Variants in SNAP23 observed in about 807,000 individuals in gnomAD.
SNAP23 encodes the protein synaptosome associated protein 23.
In SNAP23, 11 loss-of-function variants were observed where a neutral mutation model predicts 29.0. That is an observed-to-expected ratio of 0.38 (90% CI 0.24 to 0.63). The LOEUF (loss-of-function observed/expected upper bound fraction) is 0.63. Among genes scored for constraint, SNAP23 ranks in the 20% least tolerant of loss-of-function variants. The pLI is 0.58. For missense variants in SNAP23, 220 were observed against 253.9 expected (o/e 0.87, Z 0.91); for synonymous variants, 60 against 82.9 (o/e 0.72, Z 1.50).
intron 1 of SNAP23, among the ~76,000 whole-genome samples, chr15:42,502,399 A>G (rs547966556): frequency 6.6e-6 from 1 of 152,276 alleles, no homozygotes; most frequent in East Asian, 1.9e-4. Flanking sequence ...GAAAGCATCA[A>G]AGTGGCTGGG....
intron 4 of SNAP23, among the ~76,000 whole-genome samples, chr15:42,515,017 G>A (rs937386055): frequency 1.2e-4 from 19 of 152,242 alleles, no homozygotes; most frequent in Admixed American, 1.2e-3. Flanking sequence ...AAGCTTTTTA[G>A]AACAAATTTT....
intron 7 of SNAP23, 35 bp from the exon 8 acceptor site, chr15:42,531,378 T>C: frequency 7.0e-7 from 1 of 1,426,244 alleles, no homozygotes; most frequent in Non-Finnish European, 9.3e-7. Flanking sequence ...TAGAGTTACT[T>C]ACCTTGTAAA....
chr15:42,515,574 C>G (rs1053193419), intron 5 of SNAP23, among the ~76,000 whole-genome samples: 1 of 152,136 alleles, frequency 6.6e-6, no homozygotes, highest in African/African-American at 2.4e-5. Context: ...AGTCCAATTT[C>G]AATTTGTAGT....
Position 42,531,641 on chromosome 15 carries a change from G to C in SNAP23, c.*163G>C. 1 of 488,004 alleles carries C rather than the reference G, an allele frequency of 2.0e-6. No homozygotes were observed. 30.2% of individuals were successfully genotyped at this position (488,004 alleles called of 1,614,324 possible). The stretch of plus-strand genomic sequence containing the variant: ...CAGCCCTCCTTCTTTTTTGTTTTCT[G>C]TTGAGGGCCGACTGCTGCTCTGCCT... On this transcript the variant is annotated 3_prime_UTR_variant, in exon 8 of 8. Transcript: ENST00000249647.
In SNAP23 at chr15:42,528,255, T is replaced by C. The variant is rs1280314300; in HGVS notation, c.267-7T>C. Reference sequence around the variant, plus strand: ...GGTATCTCCCTACACTCCTGACTCTTATATAGAACAAAGAACTTTGAGTCT... The same window carrying C: ...GGTATCTCCCTACACTCCTGACTCTCATATAGAACAAAGAACTTTGAGTCT... On this transcript the variant is annotated splice_polypyrimidine_tract_variant and splice_region_variant and intron_variant, in intron 5 of 7. Coordinates refer to ENST00000249647, the MANE Select transcript of SNAP23 (RefSeq NM_003825.4). The C allele has an allele frequency of 1.2e-6, 2 of 1,613,288 alleles. No homozygotes were observed. The highest frequency in any genetic ancestry group is 2.7e-5 in the African/African-American group (2 of 74,874).
rs1286345315 is a variant in SNAP23, at chr15:42,529,697, G to C, written c.448G>C (p.Asp150His). Residue 150 changes from aspartate (D) to histidine (H), a missense_variant, in exon 7 of 8, where the codon GAT (aspartate) becomes CAT (histidine). Physicochemically the swap from Asp to His is moderately conservative, Grantham distance 81. Transcript: ENST00000249647. ...IKRITNDAREDEMEENLTQVG... is the reference protein window; with the variant it reads ...IKRITNDAREHEMEENLTQVG... ...TAGCATAACTAATGATGCCAGAGAA[G>C]ATGAAATGGAAGAGAACCTGACTCA... 1.2e-6 allele frequency: 2 copies of C among 1,613,958 alleles called. No homozygotes were observed. Among genetic ancestry groups the C allele is most frequent in the Non-Finnish European group, 1.7e-6 (2 of 1,179,982 alleles).
At chr15:42,531,120 A>G (rs1390994154) in intron 7 of SNAP23, among the ~76,000 whole-genome samples, 1 of 152,216 alleles carries the variant, frequency 6.6e-6, no homozygotes, top group East Asian at 1.9e-4. Context: ...AAAAAATGCC[A>G]TTGATTACAG....
rs1044561933 is a variant in SNAP23 at position 42,531,940 on chromosome 15, G to A, written c.*462G>A. The A allele has an allele frequency of 2.0e-5, 3 of 152,752 alleles. No individual in the cohort carries two copies. The highest frequency in any genetic ancestry group is 7.2e-5 in the African/African-American group (3 of 41,468). The allele number at this position is 152,752 out of a possible 1,614,324, so 9.5% of individuals were successfully genotyped here. A position where few individuals can be genotyped will look rare whatever the true frequency, so the allele number is the denominator to read the frequency against. Reference sequence around the variant, plus strand: ...AAGCAAAAAGTTGCATAGCCACAACGAAGATCTAGTTGGATATAGTTTTTG... The same window carrying A: ...AAGCAAAAAGTTGCATAGCCACAACAAAGATCTAGTTGGATATAGTTTTTG... On this transcript the variant is annotated 3_prime_UTR_variant, in exon 8 of 8. Coordinates refer to ENST00000249647, the MANE Select transcript of SNAP23 (RefSeq NM_003825.4).
chr15:42,511,639 T>C (rs1446822051), intron 1 of SNAP23, among the ~76,000 whole-genome samples, 194 bp from the exon 2 acceptor site: 3 of 152,226 alleles, frequency 2.0e-5, no homozygotes, highest in Admixed American at 2.0e-4. Context: ...GGCACTCTTA[T>C]TAAACATTCA....
chr15:42,532,745 A>C lies in SNAP23; in HGVS notation c.*1267A>C, dbSNP rs1272197625. 1 of 152,680 alleles carries C rather than the reference A, an allele frequency of 6.5e-6. No homozygotes were observed. Among genetic ancestry groups the C allele is most frequent in the Non-Finnish European group, 1.5e-5 (1 of 68,044 alleles). The allele number at this position is 152,680 out of a possible 1,614,324, so 9.5% of individuals were successfully genotyped here. On this transcript the variant is annotated 3_prime_UTR_variant, in exon 8 of 8. Coordinates refer to ENST00000249647, the MANE Select transcript of SNAP23 (RefSeq NM_003825.4). ...GGAAAGTCATTTTGACCTCAGGTAG[A>C]AAAATAGATTGCTTTGAGTTTTATG...
intron 1 of SNAP23, among the ~76,000 whole-genome samples, chr15:42,504,791 T>G (rs1362565180): frequency 6.6e-6 from 1 of 152,242 alleles, no homozygotes; most frequent in Non-Finnish European, 1.5e-5. Context: ...GGAATTTATA[T>G]GCTGGAATTC....
chr15:42,520,786 A>G (rs575282672), intron 5 of SNAP23, among the ~76,000 whole-genome samples: 45 of 152,300 alleles, frequency 3.0e-4, no homozygotes, highest in East Asian at 1.2e-3. Context: ...GAGCCACCAC[A>G]CCCGGCCTTA....
intron 1 of SNAP23, among the ~76,000 whole-genome samples, chr15:42,502,105 G>A (rs541239625): frequency 6.8e-6 from 1 of 148,070 alleles, no homozygotes; most frequent in African/African-American, 2.5e-5. Flanking sequence ...TTGGCTGACT[G>A]CAAGCTCTGC....
intron 6 of SNAP23, 79 bp from the exon 7 acceptor site, chr15:42,529,596 C>A: frequency 6.8e-7 from 1 of 1,462,546 alleles, no homozygotes; most frequent in Admixed American, 2.1e-5. Context: ...ATTTTGGTTA[C>A]TTACTTTTGT....
chr15:42,506,908 T>TC (rs1312147303), intron 1 of SNAP23, among the ~76,000 whole-genome samples: 6 of 151,670 alleles, frequency 4.0e-5, no homozygotes, highest in Non-Finnish European at 8.8e-5. Context: ...ACCCTCTGCC[T>TC]CCCAGGTTCA....
upstream of SNAP23, chr15:42,495,608 A>AGCAGGCGCGCGGGCTCGGCGCGC (rs2057211547): frequency 6.6e-6 from 1 of 152,326 alleles, no homozygotes; most frequent in South Asian, 2.1e-4. Context: ...ACGGGAAGTG[A>AGCAGGCGCGCGGGCTCGGCGCGC]GCAGGCGCGC....
chr15:42,493,436 A>G (rs910296264), upstream of SNAP23, among the ~76,000 whole-genome samples: 2 of 151,374 alleles, frequency 1.3e-5, no homozygotes, highest in African/African-American at 4.9e-5. Context: ...AGTAGTACCC[A>G]CCCCCGTTTC....
chr15:42,529,933 GGTCTT>G, intron 7 of SNAP23, 114 bp downstream of exon 7: 2 of 1,154,208 alleles, frequency 1.7e-6, no homozygotes, highest in Non-Finnish European at 2.5e-6. Flanking sequence ...TGTCCTCATA[GGTCTT>G]AATTCTGATG....
intron 5 of SNAP23, among the ~76,000 whole-genome samples, chr15:42,523,456 C>A (rs111366189): frequency 1.5e-3 from 226 of 152,288 alleles, no homozygotes; most frequent in African/African-American, 4.3e-3. Context: ...CATTCATGTA[C>A]CTGTAGATCT....
Sources: allele counts gnomAD v4.1 joint callset (sites outside exome capture counted in the v4.1 genomes callset), GRCh38; gene constraint gnomAD v4.1.1; transcripts MANE v1.5; gene names NCBI Gene and HGNC (gene_info 2026-07-23, HGNC 2026-07-21).